The following BCL10 variants were observed in gnomAD, a reference collection of about 807,000 sequenced individuals.
The protein encoded by BCL10 is BCL10 immune signaling adaptor.
In BCL10, 5 loss-of-function variants were observed where a neutral mutation model predicts 19.2. The observed-to-expected ratio is 0.26, with a 90% CI of 0.14 to 0.55. The LOEUF (loss-of-function observed/expected upper bound fraction) is 0.55, where lower values mean the gene tolerates loss of function less well. BCL10 is among the 20% of genes least tolerant of loss of function. The probability of loss-of-function intolerance (pLI) is 0.94; values close to 1 mark genes in which losing one functional copy is unlikely to be tolerated. For synonymous variants in BCL10, 110 were observed against 98.8 expected (o/e 1.11, Z -0.67); for missense variants, 201 against 271.9 (o/e 0.74, Z 1.83).
At chr1:85,268,341 C>T (rs1470449987) in intron 2 of BCL10, among the ~76,000 whole-genome samples, 1 of 152,022 alleles carries the variant, frequency 6.6e-6, no homozygotes, top group Non-Finnish European at 1.5e-5. Context: ...AAAATATTAG[C>T]TAATAAAAAA....
rs769105226 is a variant in BCL10, at chr1:85,270,799, A to C, written c.165T>G (p.Ile55Met). 1 of 1,614,044 alleles carries C rather than the reference A, an allele frequency of 6.2e-7. No individual in the cohort carries two copies. Residue 55 changes from isoleucine (I) to methionine (M), a missense_variant, in exon 2 of 3, where the codon ATT (isoleucine) becomes ATG (methionine). Around this residue, in one of 3 missense-constraint regions of BCL10, gnomAD observed 51 missense variants for 118.8 expected, o/e 0.43. Transcript: ENST00000648566. ...TTTTTCTACTTGATGTTCGACAAGA[A>C]ATTTCTTCAGTGTCTTCTCTACTGA... The part of the protein sequence containing the change: ...KILSREDTEE[I>M]SCRTSSRKRA...
chr1:85,272,356 A>T (rs889514343), intron 1 of BCL10, among the ~76,000 whole-genome samples: 4 of 151,710 alleles, frequency 2.6e-5, no homozygotes, highest in Non-Finnish European at 5.9e-5. Flanking sequence ...TAGCCTCTTG[A>T]GTAGCTAGGA....
At chr1:85,270,322 G>T (rs952484148) in intron 2 of BCL10, among the ~76,000 whole-genome samples, 1 of 152,160 alleles carries the variant, frequency 6.6e-6, no homozygotes, top group Non-Finnish European at 1.5e-5. Flanking sequence ...GCCCAGACTG[G>T]AGTGCAGTAG....
Position 85,267,687 on chromosome 1 carries a change from A to C in BCL10, c.642T>G (p.Thr214=). The change falls in exon 3 of 3, where the codon ACT becomes ACG. Residue 214 remains threonine (T), a synonymous_variant. Coordinates refer to ENST00000648566, the MANE Select transcript of BCL10 (RefSeq NM_003921.5). ...GAAACATCTCACTAGAGTTTGCACAAGTTCCTTCTTCTTCTAACTGTAGAT... is the reference window on the plus strand; with the variant it reads ...GAAACATCTCACTAGAGTTTGCACACGTTCCTTCTTCTTCTAACTGTAGAT... ...PPDLQLEEEG[T]CANSSEMFLP... is the part of the protein sequence containing the mutation. The C allele has an allele frequency of 1.2e-6, 2 of 1,614,104 alleles. No individual in the cohort carries two copies. The highest frequency in any genetic ancestry group is 1.7e-6 in the Non-Finnish European group (2 of 1,180,000).
intron 1 of BCL10, among the ~76,000 whole-genome samples, chr1:85,273,019 T>C (rs576967215): frequency 6.6e-6 from 1 of 152,326 alleles, no homozygotes; most frequent in Admixed American, 6.5e-5. Flanking sequence ...TGTCTGCTTT[T>C]ATCAGACCCT....
At position 85,267,808 on chromosome 1, in the gene BCL10, A is replaced by T. The variant is rs201366491; in HGVS notation, c.521T>A (p.Leu174Ter). 6.2e-7 allele frequency: 1 copy of T among 1,614,238 alleles called. No individual in the cohort carries two copies. Among genetic ancestry groups the T allele is most frequent in the African/African-American group, 1.3e-5 (1 of 75,066 alleles). Reference protein sequence around the residue: ...PFFSTNSSLNLPVLEVGRTEN... With the variant: ...PFFSTNSSLN ...AGTTCTGCCTACTTCTAGAACAGGC[A>T]AATTCAGAGAAGAATTAGTAGAAAA... The change falls in exon 3 of 3, where the codon TTG (leucine) becomes TAG (stop). Residue 174 changes from leucine to a stop codon, truncating the protein, a stop_gained. Transcript: ENST00000648566. LOFTEE classifies it high-confidence loss of function.
intron 1 of BCL10, among the ~76,000 whole-genome samples, chr1:85,274,718 G>C (rs1260642564): frequency 1.3e-5 from 2 of 152,184 alleles, no homozygotes; most frequent in East Asian, 3.8e-4. Flanking sequence ...CTAGAGTGGA[G>C]AGAAAAGTCC....
intron 1 of BCL10, among the ~76,000 whole-genome samples, chr1:85,271,116 C>T (rs1288530206): frequency 6.6e-6 from 1 of 152,118 alleles, no homozygotes; most frequent in African/African-American, 2.4e-5. Flanking sequence ...CACCTTCAAA[C>T]CTAAAAACCA....
chr1:85,274,430 A>G (rs1660455726), intron 1 of BCL10, among the ~76,000 whole-genome samples: 1 of 152,230 alleles, frequency 6.6e-6, no homozygotes, highest in Admixed American at 6.5e-5. Context: ...AACCAACCAC[A>G]GTATCAGCCT....
chr1:85,268,877 G>A (rs1425087417), intron 2 of BCL10, among the ~76,000 whole-genome samples: 1 of 151,842 alleles, frequency 6.6e-6, no homozygotes, highest in Non-Finnish European at 1.5e-5. Flanking sequence ...AATAGATAAT[G>A]TCCTGTTTCT....
rs1660233469 is a variant in BCL10 at position 85,267,566 on chromosome 1, A to G, written c.*61T>C. ...AAACAAATGATTACAGCCATTTTAT[A>G]AAAAGTCATATTCTTTAAAACATTT... On this transcript the variant is annotated 3_prime_UTR_variant, in exon 3 of 3. Coordinates refer to ENST00000648566, the MANE Select transcript of BCL10 (RefSeq NM_003921.5). 7.4e-7 allele frequency: 1 copy of G among 1,360,162 alleles called. No individual in the cohort carries two copies. 84.3% of individuals were successfully genotyped at this position (1,360,162 alleles called of 1,614,324 possible).
Position 85,266,240 on chromosome 1 carries a change from GCACT to G in BCL10, c.*1383_*1386del, listed in dbSNP as rs1660186434. 1 of 186,884 alleles carries G rather than the reference GCACT, an allele frequency of 5.4e-6. No individual in the cohort carries two copies. Among genetic ancestry groups the G allele is most frequent in the Non-Finnish European group, 1.1e-5 (1 of 88,644 alleles). 11.6% of individuals were successfully genotyped at this position (186,884 alleles called of 1,614,324 possible). ...ACTGAAAATTTGGAACTCCAAAATAGCACTCACTACTTTAAAAAAATTTTATTGT... is the reference window on the plus strand; with the variant it reads ...ACTGAAAATTTGGAACTCCAAAATAGCACTACTTTAAAAAAATTTTATTGT... On this transcript the variant is annotated 3_prime_UTR_variant, in exon 3 of 3. Transcript: ENST00000648566.
At position 85,276,502 on chromosome 1, in the gene BCL10, G is replaced by T; in HGVS notation, c.-150C>A. On this transcript the variant is annotated 5_prime_UTR_variant, in exon 1 of 3. It adds an upstream start codon to the 5' untranslated region. Coordinates refer to ENST00000648566, the MANE Select transcript of BCL10 (RefSeq NM_003921.5). ...AAAGACGGCCGCCCCTTCGGGAACA[G>T]AGGGACTCGGGGGTCAAACCGTAGC... 1.2e-6 allele frequency: 1 copy of T among 826,554 alleles called. No individual in the cohort carries two copies. The highest frequency in any genetic ancestry group is 1.9e-6 in the Non-Finnish European group (1 of 520,096). The allele number at this position is 826,554 out of a possible 1,614,324, so 51.2% of individuals were successfully genotyped here. A position where few individuals can be genotyped will look rare whatever the true frequency, so the allele number is the denominator to read the frequency against.
At chr1:85,270,531 C>T in intron 2 of BCL10, 87 bp downstream of exon 2, 2 of 1,253,494 alleles carry the variant, frequency 1.6e-6, no homozygotes, top group Non-Finnish European at 2.2e-6. Context: ...GCCTTGGCCT[C>T]CTAAAGTGCA....
In BCL10 at chr1:85,265,862, G is replaced by A. The variant is rs1336783734; in HGVS notation, c.*1765C>T. On this transcript the variant is annotated 3_prime_UTR_variant, in exon 3 of 3. Transcript: ENST00000648566. Reference sequence around the variant, plus strand: ...TGTTAAAACTTATCTATATATAGGTGTTATTGTATATCTAAATTATAATCT... The same window carrying A: ...TGTTAAAACTTATCTATATATAGGTATTATTGTATATCTAAATTATAATCT... Among the ~76,000 whole-genome samples, 2 of 152,250 alleles carry A rather than the reference G, an allele frequency of 1.3e-5. No homozygotes were observed. The highest frequency in any genetic ancestry group is 2.9e-5 in the Non-Finnish European group (2 of 68,002).
rs558376778 is a variant in BCL10 at position 85,276,580 on chromosome 1, C to G, written c.-228G>C. 1.1e-4 allele frequency: 65 copies of G among 596,636 alleles called. No homozygotes were observed. Among genetic ancestry groups the G allele is most frequent in the South Asian group, 1.1e-3 (55 of 50,588 alleles). The allele number at this position is 596,636 out of a possible 1,614,324, so 37.0% of individuals were successfully genotyped here. ...GGCGACGCGAATCTACGCGACGCGA[C>G]GCGGAGCTCGGAGCAGCGTTCCTTC... On this transcript the variant is annotated 5_prime_UTR_variant, in exon 1 of 3. Transcript: ENST00000648566.
intron 2 of BCL10, among the ~76,000 whole-genome samples, chr1:85,269,908 G>A (rs747785197): frequency 6.6e-6 from 1 of 152,166 alleles, no homozygotes; most frequent in Non-Finnish European, 1.5e-5. Context: ...TTTATGCAAC[G>A]TGATTCCTAT....
intron 1 of BCL10, among the ~76,000 whole-genome samples, chr1:85,272,203 A>G (rs558639913): frequency 6.6e-6 from 1 of 152,224 alleles, no homozygotes; most frequent in African/African-American, 2.4e-5. Flanking sequence ...TTTCTCCTTC[A>G]GGAGAAAATG....
rs1017476904 is a variant in BCL10 at position 85,267,265 on chromosome 1, T to C, written c.*362A>G. On this transcript the variant is annotated 3_prime_UTR_variant, in exon 3 of 3. Transcript: ENST00000648566. ...TGACTGGCAAAGACTATTAGACTCTTGAAAATTTCTAGCACAAATGCACTG... is the reference window on the plus strand; with the variant it reads ...TGACTGGCAAAGACTATTAGACTCTCGAAAATTTCTAGCACAAATGCACTG... The C allele has an allele frequency of 4.3e-6, 1 of 230,264 alleles. No individual in the cohort carries two copies. The highest frequency in any genetic ancestry group is 8.6e-6 in the Non-Finnish European group (1 of 116,566). The allele number at this position is 230,264 out of a possible 1,614,324, so 14.3% of individuals were successfully genotyped here. A position where few individuals can be genotyped will look rare whatever the true frequency, so the allele number is the denominator to read the frequency against.
Sources: gnomAD v4.1 joint callset for allele counts (sites outside exome capture counted in the v4.1 genomes callset) on GRCh38, gnomAD v4.1.1 for gene constraint, gnomAD v4.1.1 regional missense constraint, MANE v1.5 for transcripts, NCBI Gene and HGNC (gene_info 2026-07-23, HGNC 2026-07-21) for gene names.